Variants in DEK observed in about 807,000 individuals in gnomAD.
The protein encoded by DEK is DEK proto-oncogene.
Under a neutral mutation model 46.8 loss-of-function variants are expected in DEK, and 28 were observed. The ratio of observed to expected loss-of-function variants is 0.60; its 90% CI spans 0.44 to 0.82. The LOEUF (loss-of-function observed/expected upper bound fraction) is 0.82, where lower values mean the gene tolerates loss of function less well. Among genes scored for constraint, DEK ranks in the 40% least tolerant of loss-of-function variants. The pLI, the probability that DEK is intolerant of heterozygous loss-of-function variation, is 0.00. For missense variants in DEK, 416 were observed against 430.6 expected (o/e 0.97, Z 0.30); for synonymous variants, 160 against 144.5 (o/e 1.11, Z -0.77).
chr6:18,228,426 G>C (rs1447119508), intron 9 of DEK, among the ~76,000 whole-genome samples: 2 of 151,478 alleles, frequency 1.3e-5, no homozygotes, highest in Non-Finnish European at 2.9e-5. Context: ...AACAGCTCCA[G>C]TCTACAGCTC....
intron 9 of DEK, among the ~76,000 whole-genome samples, chr6:18,228,284 T>C (rs1246493590): frequency 6.6e-6 from 1 of 152,168 alleles, no homozygotes; most frequent in Admixed American, 6.5e-5. Flanking sequence ...AAAATTTTGC[T>C]TACAAAACCA....
rs1419489366 is a variant in DEK at position 18,249,766 on chromosome 6, T to C, written c.647A>G (p.Lys216Arg). 6 of 1,613,940 alleles carry C rather than the reference T, an allele frequency of 3.7e-6. No individual in the cohort carries two copies. The Admixed American group carries it at 1.0e-4, about 27-fold the overall frequency. ...KERNSSGMAR[K>R]AKRTKCPEIL... ...TTCAGGACATTTGGTTCGCTTAGCC[T>C]TCCTTGCCATTCCAGAACTGTTCCG... The change falls in exon 7 of 11, where the codon AAG becomes AGG. Residue 216 changes from lysine (K) to arginine (R), a missense_variant. Transcript: ENST00000652689.
chr6:18,263,802 C>A, intron 2 of DEK, 41 bp downstream of exon 2: 1 of 1,610,752 alleles, frequency 6.2e-7, no homozygotes, highest in Non-Finnish European at 8.5e-7. Context: ...AAAAAAACTT[C>A]GGTCTGAAAA....
At chr6:18,252,821 A>G (rs1288105973) in intron 6 of DEK, among the ~76,000 whole-genome samples, 2 of 152,206 alleles carry the variant, frequency 1.3e-5, no homozygotes, top group Admixed American at 1.3e-4. Context: ...ATGGCACCTT[A>G]GTACTAATCA....
At chr6:18,237,228 G>T in intron 8 of DEK, 153 bp downstream of exon 8, 1 of 842,420 alleles carries the variant, frequency 1.2e-6, no homozygotes, top group Non-Finnish European at 1.7e-6. Context: ...CCTGTCCCAA[G>T]CATTTCAGAT....
At chr6:18,231,889 A>G (rs1223623503) in intron 9 of DEK, among the ~76,000 whole-genome samples, 1 of 152,200 alleles carries the variant, frequency 6.6e-6, no homozygotes, top group Non-Finnish European at 1.5e-5. Flanking sequence ...CCTGATATCA[A>G]AGCCTGGCAG....
At chr6:18,243,638 C>T (rs1790992253) in intron 7 of DEK, among the ~76,000 whole-genome samples, 1 of 152,184 alleles carries the variant, frequency 6.6e-6, no homozygotes, top group African/African-American at 2.4e-5. Flanking sequence ...CCACTTCTAC[C>T]CAAAGCCTTT....
chr6:18,224,642 T>G lies in DEK; in HGVS notation c.*1077A>C. ...AAGTATATTATTTTTGAGACACACT[T>G]TGTCAGAGACATCCACGATTGCCTG... On this transcript the variant is annotated 3_prime_UTR_variant, in exon 11 of 11. Transcript: ENST00000652689. 9.6e-6 allele frequency: 2 copies of G among 208,504 alleles called. No homozygotes were observed. The highest frequency in any genetic ancestry group is 2.0e-5 in the Non-Finnish European group (2 of 102,406). The allele number at this position is 208,504 out of a possible 1,614,324, so 12.9% of individuals were successfully genotyped here. A position where few individuals can be genotyped will look rare whatever the true frequency, so the allele number is the denominator to read the frequency against.
intron 7 of DEK, among the ~76,000 whole-genome samples, chr6:18,247,198 T>G (rs1246066339): frequency 1.3e-5 from 2 of 151,970 alleles, no homozygotes; most frequent in East Asian, 3.9e-4. Flanking sequence ...TCACAGAAAC[T>G]GAATCAGCAA....
chr6:18,239,599 A>C (rs1762002140), intron 7 of DEK, among the ~76,000 whole-genome samples: 1 of 152,136 alleles, frequency 6.6e-6, no homozygotes, highest in East Asian at 1.9e-4. Flanking sequence ...ACTGCTACTA[A>C]AAAATACATT....
chr6:18,235,102 G>A (rs578039375), intron 9 of DEK, among the ~76,000 whole-genome samples: 2 of 152,124 alleles, frequency 1.3e-5, no homozygotes, highest in African/African-American at 2.4e-5. Flanking sequence ...ATAACTGGGT[G>A]TCCTGCCTCT....
chr6:18,255,966 T>C (rs1402215057), intron 5 of DEK, 115 bp from the exon 6 acceptor site: 1 of 1,203,518 alleles, frequency 8.3e-7, no homozygotes, highest in Admixed American at 2.8e-5. Flanking sequence ...TTTAAAAAAG[T>C]GGCCAATGCT....
At chr6:18,262,822 A>T in intron 2 of DEK, among the ~76,000 whole-genome samples, 1 of 152,276 alleles carries the variant, frequency 6.6e-6, no homozygotes, top group Non-Finnish European at 1.5e-5. Flanking sequence ...ATATTTAAAA[A>T]GCCATGCTTT....
intron 6 of DEK, among the ~76,000 whole-genome samples, chr6:18,251,836 G>A (rs577057532): frequency 1.6e-4 from 24 of 151,978 alleles, no homozygotes; most frequent in African/African-American, 5.3e-4. Flanking sequence ...TCTGTATATC[G>A]AATTATTAGT....
At chr6:18,228,454 G>A (rs1402722360) in intron 9 of DEK, among the ~76,000 whole-genome samples, 1 of 152,026 alleles carries the variant, frequency 6.6e-6, no homozygotes, top group East Asian at 1.9e-4. Context: ...GAGCGACGCA[G>A]AAGACGGGTG....
In DEK at chr6:18,224,795, C is replaced by G. The variant is rs1382492867; in HGVS notation, c.*924G>C. The G allele has an allele frequency of 4.7e-6, 1 of 212,452 alleles. No individual in the cohort carries two copies. The highest frequency in any genetic ancestry group is 2.3e-5 in the African/African-American group (1 of 44,130). The allele number at this position is 212,452 out of a possible 1,614,324, so 13.2% of individuals were successfully genotyped here. A position where few individuals can be genotyped will look rare whatever the true frequency, so the allele number is the denominator to read the frequency against. ...TAAAAATCAGTTCATTTACTGTAAGCCAAATGTGCTTGTACTTAATCCCAC... is the reference window on the plus strand; with the variant it reads ...TAAAAATCAGTTCATTTACTGTAAGGCAAATGTGCTTGTACTTAATCCCAC... On this transcript the variant is annotated 3_prime_UTR_variant, in exon 11 of 11. Transcript: ENST00000652689.
In DEK at chr6:18,258,298, A is replaced by T. The variant is rs761080187; in HGVS notation, c.247+6T>A. ...ACAAAATGAAAGGAAGCTAGAATAA[A>T]CTTACCTTGTGCAATTGTAAATGGC... On this transcript the variant is annotated splice_donor_region_variant and intron_variant, in intron 3 of 10. Transcript: ENST00000652689. The T allele has an allele frequency of 6.2e-7, 1 of 1,603,206 alleles. No homozygotes were observed. Among genetic ancestry groups the T allele is most frequent in the East Asian group, 2.2e-5 (1 of 44,712 alleles).
chr6:18,261,806 ACTT>A (rs2151096478), intron 2 of DEK, among the ~76,000 whole-genome samples: 1 of 152,274 alleles, frequency 6.6e-6, no homozygotes, highest in East Asian at 1.9e-4. Flanking sequence ...CAGATTTGGG[ACTT>A]CTGTGTTAAT....
chr6:18,225,727 T>C lies in DEK; in HGVS notation c.1120A>G (p.Ile374Val), dbSNP rs1372125417. ...CTTCTCTGTCCTCTATCTCAAGAAA[T>C]TAGCTGTAATGAAAGAGAAACATTA... ...DFIKTTVKEL[I>V]S Residue 374 changes from isoleucine to valine, a missense_variant, in exon 11 of 11, where the codon ATT becomes GTT. Ile to Val is a conservative substitution (Grantham distance 29). Coordinates refer to ENST00000652689, the MANE Select transcript of DEK (RefSeq NM_003472.4). 31 of 1,613,276 alleles carry C rather than the reference T, an allele frequency of 1.9e-5. No homozygotes were observed. The highest frequency in any genetic ancestry group is 2.3e-5 in the Non-Finnish European group (27 of 1,179,626).
Sources: gnomAD v4.1 joint callset for allele counts (sites outside exome capture counted in the v4.1 genomes callset) on GRCh38, gnomAD v4.1.1 for gene constraint, MANE v1.5 for transcripts, NCBI Gene and HGNC (gene_info 2026-07-23, HGNC 2026-07-21) for gene names.